The following HDAC9 variants were observed in gnomAD, a reference collection of about 807,000 sequenced individuals.
The protein encoded by HDAC9 is histone deacetylase 9, also known as MEF-2 interacting transcription repressor (MITR) protein.
In HDAC9, 41 loss-of-function variants were observed where a neutral mutation model predicts 139.4. The ratio of observed to expected loss-of-function variants is 0.29; its 90% CI spans 0.23 to 0.38. The LOEUF is 0.38. Ranked by LOEUF, HDAC9 falls within the 10% of genes least tolerant of loss-of-function variation. The probability of loss-of-function intolerance (pLI) is 1.00; values close to 1 mark genes in which losing one functional copy is unlikely to be tolerated. For missense variants in HDAC9, 1,147 were observed against 1,297.0 expected, an observed-to-expected ratio of 0.88 and a Z score of 1.78; for synonymous variants, 517 against 476.2, an observed-to-expected ratio of 1.09 and a Z score of -1.12.
chr7:18,260,806 TAC>T (rs1795619826), intron 2 of HDAC9, among the ~76,000 whole-genome samples: 1 of 152,168 alleles, frequency 6.6e-6, no homozygotes, highest in Admixed American at 6.5e-5. Flanking sequence ...AGCATGAATA[TAC>T]AGAATAGGCT....
At chr7:18,301,123 A>T (rs939607137) in intron 1 of HDAC9, among the ~76,000 whole-genome samples, 1 of 152,142 alleles carries the variant, frequency 6.6e-6, no homozygotes, top group Admixed American at 6.5e-5. Flanking sequence ...TTTATTGCAA[A>T]TGTATTTTGA....
At chr7:18,846,700 AAGAATGG>A (rs1316292480) in intron 21 of HDAC9, among the ~76,000 whole-genome samples, 1 of 152,184 alleles carries the variant, frequency 6.6e-6, no homozygotes, top group Non-Finnish European at 1.5e-5. Flanking sequence ...GCTTGGGGCA[AAGAATGG>A]AAAAATTATT....
chr7:18,961,224 G>A (rs1017237978), intron 24 of HDAC9, among the ~76,000 whole-genome samples: 1 of 152,140 alleles, frequency 6.6e-6, no homozygotes, highest in African/African-American at 2.4e-5. Context: ...TTTATTTCCA[G>A]CAGGGAAGAA....
intron 6 of HDAC9, among the ~76,000 whole-genome samples, chr7:18,628,305 G>A (rs138937256): frequency 6.6e-6 from 1 of 152,132 alleles, no homozygotes; most frequent in Admixed American, 6.6e-5. Context: ...TACTTACCCT[G>A]TCTGTCTGTT....
chr7:18,778,264 C>A (rs184088605), intron 16 of HDAC9, among the ~76,000 whole-genome samples: 2 of 151,980 alleles, frequency 1.3e-5, no homozygotes, highest in South Asian at 2.1e-4. Flanking sequence ...AGTATTAAAT[C>A]CATGCACTCA....
intron 19 of HDAC9, among the ~76,000 whole-genome samples, chr7:18,832,600 A>G (rs1260638584): frequency 7.2e-5 from 11 of 152,154 alleles, no homozygotes; most frequent in African/African-American, 2.7e-4. Context: ...ATTTCTCACA[A>G]TCACCAATAA....
intron 1 of HDAC9, among the ~76,000 whole-genome samples, chr7:18,451,391 G>GTATATATA (rs1563001098): frequency 7.0e-6 from 1 of 142,382 alleles, no homozygotes; most frequent in Non-Finnish European, 1.6e-5. Flanking sequence ...GTGTGTGTGT[G>GTATATATA]TGTGTGTGTG....
intron 23 of HDAC9, among the ~76,000 whole-genome samples, chr7:18,936,895 C>G (rs535556460): frequency 1.3e-5 from 2 of 151,968 alleles, no homozygotes; most frequent in African/African-American, 4.8e-5. Flanking sequence ...CTATTGTCAT[C>G]ATTATTTTAC....
At chr7:18,171,591 A>G (rs919951680) in intron 2 of HDAC9, among the ~76,000 whole-genome samples, 1 of 152,184 alleles carries the variant, frequency 6.6e-6, no homozygotes, top group Non-Finnish European at 1.5e-5. Flanking sequence ...TTTGTCATAA[A>G]TAGGCCTTAT....
At chr7:18,232,528 T>C (rs1793531856) in intron 2 of HDAC9, among the ~76,000 whole-genome samples, 1 of 152,276 alleles carries the variant, frequency 6.6e-6, no homozygotes, top group Middle Eastern at 3.4e-3. Flanking sequence ...GCCTCAAAAT[T>C]TACTTTTCTA....
In HDAC9 at chr7:18,634,843, A is replaced by G. The variant is rs1584410150; in HGVS notation, c.912+101A>G. On this transcript the variant is annotated intron_variant, in intron 8 of 25. Transcript: ENST00000686413. ...AGTTGACCTTCAATATCCAAATGATATTTATGAATTGAAGTTTACTCAGTT... is the reference window on the plus strand; with the variant it reads ...AGTTGACCTTCAATATCCAAATGATGTTTATGAATTGAAGTTTACTCAGTT... 7.0e-6 allele frequency: 5 copies of G among 710,328 alleles called. No homozygotes were observed. In the East Asian group the frequency reaches 1.1e-4, roughly 15 times the overall value. 44.0% of individuals were successfully genotyped at this position (710,328 alleles called of 1,614,324 possible). A position where few individuals can be genotyped will look rare whatever the true frequency, so the allele number is the denominator to read the frequency against.
At chr7:18,825,571 T>C (rs2129203066) in intron 17 of HDAC9, among the ~76,000 whole-genome samples, 1 of 151,966 alleles carries the variant, frequency 6.6e-6, no homozygotes, top group East Asian at 1.9e-4. Flanking sequence ...TAGAGGTTGA[T>C]AACTGAAGCA....
At chr7:18,294,275 TG>T (rs1341898655) in intron 1 of HDAC9, among the ~76,000 whole-genome samples, 1 of 152,152 alleles carries the variant, frequency 6.6e-6, no homozygotes, top group Non-Finnish European at 1.5e-5. Context: ...TAGAGAATCA[TG>T]GTTCAAAGCC....
chr7:18,980,785 TCTTCTTCCTTCTTC>T (rs556013660), intron 25 of HDAC9, among the ~76,000 whole-genome samples: 15 of 149,958 alleles, frequency 1.0e-4, no homozygotes, highest in African/African-American at 3.2e-4. Flanking sequence ...TTCCTCTTCT[TCTTCTTCCTTCTTC>T]CTTCTTCCTT....
At position 18,935,844 on chromosome 7, in the gene HDAC9, G is replaced by A. The variant is rs763257350; in HGVS notation, c.2839G>A (p.Ala947Thr). The A allele has an allele frequency of 5.0e-6, 8 of 1,613,672 alleles. No homozygotes were observed. Among genetic ancestry groups the A allele is most frequent in the East Asian group, 4.5e-5 (2 of 44,874 alleles). Residue 947 changes from alanine (A) to threonine (T), a missense_variant, in exon 23 of 26, where the codon GCT (alanine) becomes ACT (threonine). Transcript: ENST00000686413. ...GHLTKQLMTL[A>T]DGRVVLALEG... Reference sequence around the variant, plus strand: ...TTTGACGAAGCAATTGATGACATTGGCTGATGGACGTGTGGTGTTGGCTCT... The same window carrying A: ...TTTGACGAAGCAATTGATGACATTGACTGATGGACGTGTGGTGTTGGCTCT...
rs1794967681 is a variant in HDAC9, at chr7:18,666,645, A to T, written c.1731+169A>T. The T allele has an allele frequency of 4.3e-6, 6 of 1,386,824 alleles. No homozygotes were observed. In the South Asian group the frequency reaches 9.3e-5, roughly 22 times the overall value. 85.9% of individuals were successfully genotyped at this position (1,386,824 alleles called of 1,614,324 possible). On this transcript the variant is annotated intron_variant, in intron 12 of 25. Coordinates refer to ENST00000686413, the MANE Select transcript of HDAC9 (RefSeq NM_178425.4). ...CTAATGCAGATATATGTATATATCT[A>T]TATAGAGGTCTTTCTATATACTGAT... is the stretch of plus-strand genomic sequence containing the variant.
At chr7:18,751,743 A>G (rs192706680) in intron 14 of HDAC9, among the ~76,000 whole-genome samples, 17 of 152,220 alleles carry the variant, frequency 1.1e-4, no homozygotes, top group Admixed American at 7.9e-4. Flanking sequence ...AACTAAACAA[A>G]TGTTACCCTT....
rs142699505 is a variant in HDAC9 at position 18,359,077 on chromosome 7, C to T, written c.-42+68562C>T. 5.6e-3 allele frequency among the ~76,000 whole-genome samples: 846 copies of T among 152,304 alleles called. 9 individuals carry two copies. The highest frequency in any genetic ancestry group is 0.019 in the African/African-American group (796 of 41,572). ...CTTTCTTAAATTGGGGCAGTGAGGC[C>T]GGGCACAGTGGCTCACGCCTGTAAT... On this transcript the variant is annotated intron_variant, in intron 1 of 3. Transcript: ENST00000413509.
At chr7:18,522,712 T>C (rs886118472) in intron 2 of HDAC9, among the ~76,000 whole-genome samples, 20 of 152,092 alleles carry the variant, frequency 1.3e-4, no homozygotes, top group African/African-American at 4.1e-4. Context: ...GGTGAGGTAA[T>C]TGAAATGGAG....
Sources: gnomAD v4.1 joint callset for allele counts (sites outside exome capture counted in the v4.1 genomes callset) on GRCh38, gnomAD v4.1.1 for gene constraint, MANE v1.5 for transcripts, NCBI Gene and HGNC (gene_info 2026-07-23, HGNC 2026-07-21) for gene names.